FAT1: variants seen among roughly 807,000 people sequenced by gnomAD.
FAT1 encodes the protein protocadherin Fat 1.
Under a neutral mutation model 329.8 loss-of-function variants are expected in FAT1, and 171 were observed. That is an observed-to-expected ratio of 0.52 (90% CI 0.46 to 0.59). FAT1 has a LOEUF of 0.59. Among genes scored for constraint, FAT1 ranks in the 20% least tolerant of loss-of-function variants. The pLI is 0.00. For missense variants in FAT1, 5,672 were observed against 5,774.4 expected, an observed-to-expected ratio of 0.98 and a Z score of 0.57; for synonymous variants, 2,233 against 2,228.6, an observed-to-expected ratio of 1.00 and a Z score of -0.06.
intron 26 of FAT1, among the ~76,000 whole-genome samples, chr4:186,591,566 C>T (rs191510856): frequency 1.1e-4 from 16 of 152,226 alleles, no homozygotes; most frequent in African/African-American, 3.1e-4. Context: ...AAATATTTGT[C>T]AATGAAGGAG....
chr4:186,634,007 G>A (rs752947434), intron 6 of FAT1, among the ~76,000 whole-genome samples, 184 bp from the exon 7 acceptor site: 4 of 152,164 alleles, frequency 2.6e-5, no homozygotes, highest in African/African-American at 9.7e-5. Context: ...AAGGCAAAGT[G>A]AACCCTAATT....
At chr4:186,680,953 T>C (rs1018675261) in intron 2 of FAT1, among the ~76,000 whole-genome samples, 5 of 152,224 alleles carry the variant, frequency 3.3e-5, no homozygotes, top group Non-Finnish European at 5.9e-5. Context: ...TCAGAGTTAA[T>C]GATCTGCCAA....
In FAT1 at chr4:186,709,779, G is replaced by A. The variant is rs750299667; in HGVS notation, c.49C>T (p.His17Tyr). ...TGGCTGCCATCACTGTCTCCAAAAT[G>A]TTGGAAGAGAAGGAGCAGAAGCAGG... ...LLLLLLLLFQ[H>Y]FGDSDGSQRL... Residue 17 changes from histidine (H) to tyrosine (Y), a missense_variant, in exon 2 of 27, where the codon CAT (histidine) becomes TAT (tyrosine). Physicochemically the swap from His to Tyr is moderately conservative, Grantham distance 83. This residue lies in a region of FAT1 where 3,966 missense variants were observed against 3,915.2 expected (regional missense o/e 1.01). Coordinates refer to ENST00000441802, the MANE Select transcript of FAT1 (RefSeq NM_005245.4). The A allele has an allele frequency of 9.9e-6, 16 of 1,611,884 alleles. No individual in the cohort carries two copies. The highest frequency in any genetic ancestry group is 1.3e-5 in the Non-Finnish European group (15 of 1,178,862).
chr4:186,604,963 C>A (rs111453150), intron 17 of FAT1, among the ~76,000 whole-genome samples: 18,318 of 151,568 alleles, frequency 0.12, 2,401 homozygotes, highest in African/African-American at 0.32. Context: ...TCACGCCTGT[C>A]ATCCCAGCAC....
chr4:186,702,944 C>A (rs917533387), intron 2 of FAT1, among the ~76,000 whole-genome samples: 1 of 152,170 alleles, frequency 6.6e-6, no homozygotes, highest in African/African-American at 2.4e-5. Flanking sequence ...CTTTATAATC[C>A]TCACTGTAGA....
chr4:186,607,674 G>C (rs1454788793), intron 16 of FAT1, among the ~76,000 whole-genome samples: 1 of 151,706 alleles, frequency 6.6e-6, no homozygotes, highest in African/African-American at 2.4e-5. Context: ...TAGATGGGTG[G>C]GTGGACAGGT....
intron 3 of FAT1, among the ~76,000 whole-genome samples, chr4:186,656,343 G>T (rs1446582209): frequency 1.3e-5 from 2 of 152,190 alleles, no homozygotes; most frequent in Non-Finnish European, 2.9e-5. Flanking sequence ...CCCACTCAAT[G>T]AGGGCCCAGA....
chr4:186,629,520 T>C (rs1579352937), intron 7 of FAT1, among the ~76,000 whole-genome samples: 2 of 152,236 alleles, frequency 1.3e-5, no homozygotes, highest in Admixed American at 6.5e-5. Context: ...AAAAGACGTA[T>C]GGATTTGGCA....
chr4:186,677,075 A>T (rs1742993273), intron 2 of FAT1, among the ~76,000 whole-genome samples: 1 of 152,118 alleles, frequency 6.6e-6, no homozygotes, highest in Non-Finnish European at 1.5e-5. Flanking sequence ...CTTTTATCAA[A>T]TTTTTAGAAA....
At chr4:186,604,024 A>G (rs751925631) in intron 18 of FAT1, 47 bp from the exon 19 acceptor site, 1 of 1,408,998 alleles carries the variant, frequency 7.1e-7, no homozygotes, top group Admixed American at 2.0e-5. Flanking sequence ...GGCACTGTTT[A>G]TAACTTCTTC....
In FAT1 at chr4:186,600,204, C is replaced by T. The variant is rs1738742145; in HGVS notation, c.11797G>A (p.Ala3933Thr). Residue 3933 changes from alanine (A) to threonine (T), a missense_variant, in exon 22 of 27, where the codon GCA (alanine) becomes ACA (threonine). Coordinates refer to ENST00000441802, the MANE Select transcript of FAT1 (RefSeq NM_005245.4). ...ARLVLDQVHT[A>T]SGTAPGTLKT... ...AGAGTCCCTGGGGCTGTGCCCGATG[C>T]AGTATGAACTTGGTCTAGAACCAAG... 1 of 1,614,060 alleles carries T rather than the reference C, an allele frequency of 6.2e-7. No homozygotes were observed. Among genetic ancestry groups the T allele is most frequent in the Non-Finnish European group, 8.5e-7 (1 of 1,179,902 alleles).
chr4:186,637,371 ACTT>A (rs1460125470), intron 4 of FAT1, among the ~76,000 whole-genome samples: 1 of 152,236 alleles, frequency 6.6e-6, no homozygotes, highest in African/African-American at 2.4e-5. Flanking sequence ...AAAATGTTAA[ACTT>A]CATCAGTAAA....
intron 2 of FAT1, among the ~76,000 whole-genome samples, chr4:186,669,186 G>C: frequency 6.6e-6 from 1 of 152,150 alleles, no homozygotes; most frequent in East Asian, 1.9e-4. Flanking sequence ...ACAGCATGCG[G>C]CCAGAAGGTG....
At chr4:186,623,021 C>G (rs539490821) in intron 9 of FAT1, among the ~76,000 whole-genome samples, 1 of 152,372 alleles carries the variant, frequency 6.6e-6, no homozygotes, top group South Asian at 2.1e-4. Flanking sequence ...TAACAGGAAA[C>G]ACTTCCTCTA....
chr4:186,604,483 A>C lies in FAT1; in HGVS notation c.10442T>G (p.Val3481Gly), dbSNP rs1444382398. ...AAAAGCCTTCTCATCATTTCCAGTT[A>C]CAATAGTAAAGAAGAAGGGTGGACC... ...HNGPPFFFTIVTGNDEKAFEV... is the reference protein window; with the variant it reads ...HNGPPFFFTIGTGNDEKAFEV... The change falls in exon 18 of 27, where the codon GTA (valine) becomes GGA (glycine). Residue 3481 changes from valine to glycine, a missense_variant. Around this residue, in one of 2 missense-constraint regions of FAT1, gnomAD observed 1,706 missense variants for 1,859.1 expected, o/e 0.92. Transcript: ENST00000441802. 1 of 1,613,780 alleles carries C rather than the reference A, an allele frequency of 6.2e-7. No individual in the cohort carries two copies. Among genetic ancestry groups the C allele is most frequent in the Non-Finnish European group, 8.5e-7 (1 of 1,179,806 alleles).
chr4:186,618,436 G>T lies in FAT1; in HGVS notation c.8150C>A (p.Pro2717His), dbSNP rs1345199076. ...GATGAGATCTATCTCTGTTCCAATA[G>T]GCACGTCCTCTGACACTGTAAAGGT... ...FYTFTVSEDV[P>H]IGTEIDLIRA... Residue 2717 changes from proline to histidine, a missense_variant, in exon 10 of 27, where the codon CCT (proline) becomes CAT (histidine). Pro to His is a moderately conservative substitution (Grantham distance 77). This residue lies in a region of FAT1 where 3,966 missense variants were observed against 3,915.2 expected (regional missense o/e 1.01). Coordinates refer to ENST00000441802, the MANE Select transcript of FAT1 (RefSeq NM_005245.4). 6.2e-7 allele frequency: 1 copy of T among 1,613,974 alleles called. No individual in the cohort carries two copies. The highest frequency in any genetic ancestry group is 8.5e-7 in the Non-Finnish European group (1 of 1,179,888).
intron 1 of FAT1, among the ~76,000 whole-genome samples, chr4:186,718,732 C>A (rs1433376620): frequency 6.6e-6 from 1 of 152,138 alleles, no homozygotes; most frequent in Admixed American, 6.5e-5. Flanking sequence ...CAAACAAACA[C>A]TCTTATTCTT....
At chr4:186,722,197 T>C (rs1231828716) in intron 1 of FAT1, among the ~76,000 whole-genome samples, 5 of 152,210 alleles carry the variant, frequency 3.3e-5, no homozygotes, top group African/African-American at 1.2e-4. Context: ...AATGATCTAC[T>C]AACATGATGA....
In FAT1 at chr4:186,708,401, A is replaced by G. The variant is rs1485449825; in HGVS notation, c.1427T>C (p.Val476Ala). The part of the protein sequence containing the change: ...TAYKAAFDEN[V>A]PIGTTVMSLS... ...GCTCATGACAGTAGTACCAATGGGC[A>G]CGTTCTCATCAAAAGCAGCTTTGTA... The change falls in exon 2 of 27, where the codon GTG (valine) becomes GCG (alanine). Residue 476 changes from valine to alanine, a missense_variant. This residue lies in a region of FAT1 where 3,966 missense variants were observed against 3,915.2 expected (regional missense o/e 1.01). Coordinates refer to ENST00000441802, the MANE Select transcript of FAT1 (RefSeq NM_005245.4). 1 of 1,613,860 alleles carries G rather than the reference A, an allele frequency of 6.2e-7. No individual in the cohort carries two copies. The highest frequency in any genetic ancestry group is 1.3e-5 in the African/African-American group (1 of 74,922).
Sources: gnomAD v4.1 joint callset for allele counts (sites outside exome capture counted in the v4.1 genomes callset) on GRCh38, gnomAD v4.1.1 for gene constraint, gnomAD v4.1.1 regional missense constraint, MANE v1.5 for transcripts, NCBI Gene and HGNC (gene_info 2026-07-23, HGNC 2026-07-21) for gene names.